CFAP221: variants seen among roughly 807,000 people sequenced by gnomAD.
The protein encoded by CFAP221 is cilia- and flagella-associated protein 221.
Under a neutral mutation model 113.1 loss-of-function variants are expected in CFAP221, and 97 were observed. That is an observed-to-expected ratio of 0.86 (90% CI 0.73 to 1.02). The LOEUF (loss-of-function observed/expected upper bound fraction) is 1.02, where lower values mean the gene tolerates loss of function less well. Ranked by LOEUF, CFAP221 falls within the 50% of genes least tolerant of loss-of-function variation. The probability of loss-of-function intolerance (pLI) is 0.00; values close to 1 mark genes in which losing one functional copy is unlikely to be tolerated. For synonymous variants in CFAP221, 331 were observed against 354.4 expected (o/e 0.93, Z 0.74); for missense variants, 1,025 against 1,013.4 (o/e 1.01, Z -0.16).
At chr2:119,624,916 T>C (rs906040587) in intron 14 of CFAP221, among the ~76,000 whole-genome samples, 1 of 152,002 alleles carries the variant, frequency 6.6e-6, no homozygotes, top group South Asian at 2.1e-4. Flanking sequence ...AAATACCTAA[T>C]GTAGATGGCG....
At position 119,618,792 on chromosome 2, in the gene CFAP221, G is replaced by A. The variant is rs138534904; in HGVS notation, c.1410+3083G>A. Among the ~76,000 whole-genome samples the A allele has an allele frequency of 9.2e-5, 14 of 152,038 alleles. No homozygotes were observed. The South Asian group carries it at 1.5e-3, about 16-fold the overall frequency. On this transcript the variant is annotated intron_variant, in intron 14 of 23. Transcript: ENST00000413369. ...GCCAGGGAGCCAAGTCATCTAGCTC[G>A]GCGAATCCCACCCCCATGGAGCCCA...
chr2:119,609,483 A>C (rs942152461), intron 12 of CFAP221, among the ~76,000 whole-genome samples: 2 of 152,126 alleles, frequency 1.3e-5, no homozygotes, highest in African/African-American at 4.8e-5. Flanking sequence ...GATCCATTCC[A>C]GACCTCTCTC....
chr2:119,604,190 C>G (rs185445778), intron 8 of CFAP221, among the ~76,000 whole-genome samples: 313 of 152,298 alleles, frequency 2.1e-3, no homozygotes, highest in African/African-American at 7.3e-3. Flanking sequence ...AATCCCAGCA[C>G]TTTGGGAGGC....
chr2:119,649,976 T>C (rs1339461124), intron 22 of CFAP221, among the ~76,000 whole-genome samples: 1 of 152,210 alleles, frequency 6.6e-6, no homozygotes, highest in Admixed American at 6.5e-5. Flanking sequence ...CACCATCAGC[T>C]GTGATAAAGC....
At chr2:119,601,086 C>G in intron 7 of CFAP221, 132 bp from the exon 8 acceptor site, 1 of 906,696 alleles carries the variant, frequency 1.1e-6, no homozygotes, top group Non-Finnish European at 1.5e-6. Context: ...TGTGGATTTT[C>G]AATTGTGTGG....
intron 7 of CFAP221, among the ~76,000 whole-genome samples, chr2:119,594,031 G>GTT (rs1208818019): frequency 2.0e-5 from 3 of 152,098 alleles, no homozygotes; most frequent in African/African-American, 7.2e-5. Context: ...AGATTTGCAG[G>GTT]GGACAAACAT....
intron 22 of CFAP221, among the ~76,000 whole-genome samples, chr2:119,647,908 G>A (rs750017432): frequency 1.1e-4 from 16 of 152,042 alleles, no homozygotes; most frequent in African/African-American, 3.9e-4. Context: ...TAGAGCACCC[G>A]AAATGTTGTA....
chr2:119,561,231 G>A (rs984079700), intron 5 of CFAP221, among the ~76,000 whole-genome samples: 16 of 151,848 alleles, frequency 1.1e-4, no homozygotes, highest in East Asian at 1.9e-4. Flanking sequence ...TGGAGGTTGC[G>A]GTGAGCCAAG....
intron 2 of CFAP221, among the ~76,000 whole-genome samples, chr2:119,547,865 A>G (rs1680159952): frequency 6.6e-6 from 1 of 152,224 alleles, no homozygotes; most frequent in Non-Finnish European, 1.5e-5. Flanking sequence ...GATGCAGTCA[A>G]AGTCAAATGT....
intron 7 of CFAP221, chr2:119,590,307 GT>G (rs1683511163): frequency 6.6e-6 from 1 of 152,108 alleles, no homozygotes. Context: ...CTTTATATCA[GT>G]TTGGGAGTAA....
At chr2:119,547,690 GC>G (rs1262952663) in intron 2 of CFAP221, among the ~76,000 whole-genome samples, 1 of 152,108 alleles carries the variant, frequency 6.6e-6, no homozygotes. Context: ...TACCACACCA[GC>G]CTTAACCCAT....
intron 12 of CFAP221, among the ~76,000 whole-genome samples, chr2:119,611,306 G>A (rs1347074974): frequency 6.6e-6 from 1 of 150,858 alleles, no homozygotes; most frequent in Non-Finnish European, 1.5e-5. Flanking sequence ...TAAAAAGAAG[G>A]TATCTACTTG....
intron 6 of CFAP221, among the ~76,000 whole-genome samples, chr2:119,581,526 A>G (rs980721817): frequency 1.3e-5 from 2 of 152,234 alleles, no homozygotes; most frequent in South Asian, 2.1e-4. Flanking sequence ...TTCACCCAGT[A>G]TAGAGTACAT....
chr2:119,625,872 G>A (rs1686273636), intron 15 of CFAP221, 184 bp downstream of exon 15: 1 of 581,564 alleles, frequency 1.7e-6, no homozygotes, highest in East Asian at 2.9e-5. Flanking sequence ...CAGAGACTAG[G>A]TTAGTCATCA....
chr2:119,658,938 C>G (rs1289961383), downstream of CFAP221, among the ~76,000 whole-genome samples: 1 of 151,510 alleles, frequency 6.6e-6, no homozygotes, highest in Non-Finnish European at 1.5e-5. Flanking sequence ...CTGCAGTGAG[C>G]CATGATCACA....
chr2:119,612,138 C>G (rs189094453), intron 13 of CFAP221, among the ~76,000 whole-genome samples: 4 of 152,310 alleles, frequency 2.6e-5, no homozygotes, highest in Admixed American at 2.6e-4. Flanking sequence ...CTAGTTACAA[C>G]TCTATGACAG....
At chr2:119,654,419 A>G (rs758485889) in intron 23 of CFAP221, among the ~76,000 whole-genome samples, 1 of 150,992 alleles carries the variant, frequency 6.6e-6, no homozygotes, top group African/African-American at 2.4e-5. Context: ...TTTTTTTTCT[A>G]CTTCAAATAT....
At chr2:119,659,655 C>A (rs565597045), downstream of CFAP221, among the ~76,000 whole-genome samples, 1 of 152,390 alleles carries the variant, frequency 6.6e-6, no homozygotes, top group African/African-American at 2.4e-5. Context: ...CCTCTGCATT[C>A]CTCCTCCACA....
At chr2:119,612,894 G>C (rs1327277413) in intron 13 of CFAP221, among the ~76,000 whole-genome samples, 1 of 152,184 alleles carries the variant, frequency 6.6e-6, no homozygotes, top group Non-Finnish European at 1.5e-5. Flanking sequence ...ATCTGAGACA[G>C]GGCAAGTCCC....
Sources: allele counts gnomAD v4.1 joint callset (sites outside exome capture counted in the v4.1 genomes callset), GRCh38; gene constraint gnomAD v4.1.1; transcripts MANE v1.5; gene names NCBI Gene and HGNC (gene_info 2026-07-23, HGNC 2026-07-21).